STXBP5L: variants seen among roughly 807,000 people sequenced by gnomAD.
STXBP5L encodes syntaxin binding protein 5L.
A neutral mutation model predicts 144.5 loss-of-function variants in STXBP5L; 65 were observed. That is an observed-to-expected ratio of 0.45 (90% CI 0.37 to 0.55). The LOEUF (loss-of-function observed/expected upper bound fraction) is 0.55. STXBP5L is among the 20% of genes least tolerant of loss of function. The pLI, the probability that STXBP5L is intolerant of heterozygous loss-of-function variation, is 0.00. For missense variants in STXBP5L, 1,298 were observed against 1,405.5 expected (o/e 0.92, Z 1.22); for synonymous variants, 505 against 469.6 (o/e 1.08, Z -0.97).
chr3:121,203,744 G>A (rs1201607025), intron 9 of STXBP5L, among the ~76,000 whole-genome samples: 1 of 152,110 alleles, frequency 6.6e-6, no homozygotes, highest in Non-Finnish European at 1.5e-5. Context: ...GATTAAAAAT[G>A]CTTTAATATG....
At chr3:121,022,030 C>T (rs1385648641) in intron 3 of STXBP5L, among the ~76,000 whole-genome samples, 1 of 151,900 alleles carries the variant, frequency 6.6e-6, no homozygotes, top group Non-Finnish European at 1.5e-5. Flanking sequence ...GCAAGATTAA[C>T]CAAGAAAAGA....
intron 19 of STXBP5L, among the ~76,000 whole-genome samples, chr3:121,312,018 G>A (rs2043547501): frequency 6.6e-6 from 1 of 152,128 alleles, no homozygotes; most frequent in South Asian, 2.1e-4. Context: ...GAACAGAACA[G>A]AGCCCTCAGA....
At chr3:121,242,606 A>T (rs1312757930) in intron 14 of STXBP5L, among the ~76,000 whole-genome samples, 2 of 152,150 alleles carry the variant, frequency 1.3e-5, no homozygotes, top group East Asian at 3.9e-4. Flanking sequence ...AGAAAAAATT[A>T]TATGGTATAC....
chr3:121,316,801 A>G (rs1483788988), intron 19 of STXBP5L, among the ~76,000 whole-genome samples: 1 of 152,236 alleles, frequency 6.6e-6, no homozygotes, highest in Admixed American at 6.5e-5. Context: ...AAATGGTCCC[A>G]GATCTCTCAC....
intron 5 of STXBP5L, among the ~76,000 whole-genome samples, chr3:121,086,201 A>G (rs542960105): frequency 9.2e-5 from 14 of 152,136 alleles, no homozygotes; most frequent in African/African-American, 3.4e-4. Context: ...AAATGTATTT[A>G]GCACTACACA....
At chr3:121,085,709 G>A (rs1482979959) in intron 5 of STXBP5L, among the ~76,000 whole-genome samples, 4 of 152,092 alleles carry the variant, frequency 2.6e-5, no homozygotes, top group Admixed American at 2.6e-4. Flanking sequence ...CCATGCTTGT[G>A]GATAGGAAGG....
intron 3 of STXBP5L, among the ~76,000 whole-genome samples, chr3:121,014,422 T>C (rs1166069864): frequency 6.6e-6 from 1 of 152,016 alleles, no homozygotes; most frequent in Non-Finnish European, 1.5e-5. Context: ...GTATATATTG[T>C]TTTCTGTCTG....
chr3:121,384,530 A>G (rs951166392), intron 22 of STXBP5L, among the ~76,000 whole-genome samples: 3 of 152,122 alleles, frequency 2.0e-5, no homozygotes, highest in Non-Finnish European at 4.4e-5. Flanking sequence ...GACTAAAGTC[A>G]GTACAGTGTG....
At chr3:121,375,647 G>T (rs1038242202) in intron 20 of STXBP5L, among the ~76,000 whole-genome samples, 1 of 152,176 alleles carries the variant, frequency 6.6e-6, no homozygotes, top group Non-Finnish European at 1.5e-5. Context: ...TTTGATAAAT[G>T]TTAACTCCCA....
chr3:121,082,831 A>G (rs920835023), intron 5 of STXBP5L, among the ~76,000 whole-genome samples: 4 of 152,244 alleles, frequency 2.6e-5, no homozygotes, highest in Admixed American at 2.6e-4. Context: ...TGAGCTAGCC[A>G]TAAATTTCTG....
chr3:121,351,247 A>G (rs1003598954), intron 20 of STXBP5L, among the ~76,000 whole-genome samples: 2 of 152,146 alleles, frequency 1.3e-5, no homozygotes, highest in Non-Finnish European at 2.9e-5. Context: ...TTGCCTGGGT[A>G]TCAGCAACAG....
intron 2 of STXBP5L, among the ~76,000 whole-genome samples, chr3:120,946,562 TAGAAGGGAAAAATGCAGAC>T: frequency 6.6e-6 from 1 of 151,752 alleles, no homozygotes; most frequent in Non-Finnish European, 1.5e-5. Context: ...TCTATTAGTA[TAGAAGGGAAAAATGCAGAC>T]ATTGGGGAAC....
At position 121,002,085 on chromosome 3, in the gene STXBP5L, T is replaced by C. The variant is rs572051692; in HGVS notation, c.288-39615T>C. 5.9e-5 allele frequency among the ~76,000 whole-genome samples: 9 copies of C among 152,326 alleles called. No homozygotes were observed. The South Asian group carries it at 1.4e-3, about 25-fold the overall frequency. ...TTTTCATATATACCCAGAAGAGAGA[T>C]TACTGGATCATATAGTATTTTTAAT... On this transcript the variant is annotated intron_variant, in intron 3 of 26. Transcript: ENST00000471454.
intron 20 of STXBP5L, among the ~76,000 whole-genome samples, chr3:121,375,191 A>G (rs2046147374): frequency 6.6e-6 from 1 of 152,206 alleles, no homozygotes; most frequent in African/African-American, 2.4e-5. Context: ...AAGAAAACTT[A>G]ATGAAACAAT....
intron 3 of STXBP5L, among the ~76,000 whole-genome samples, chr3:121,011,858 T>C (rs1253327951): frequency 1.3e-5 from 2 of 151,850 alleles, no homozygotes; most frequent in African/African-American, 4.8e-5. Context: ...AACAATTCAG[T>C]GATTTTGGTA....
At chr3:121,338,668 AAAAG>A (rs1331545490) in intron 20 of STXBP5L, among the ~76,000 whole-genome samples, 5 of 151,768 alleles carry the variant, frequency 3.3e-5, no homozygotes, top group African/African-American at 7.2e-5. Flanking sequence ...GAGAAAGAAA[AAAAG>A]AAAGAGGAAG....
chr3:121,093,666 T>A (rs908749780), intron 5 of STXBP5L, among the ~76,000 whole-genome samples: 1 of 152,138 alleles, frequency 6.6e-6, no homozygotes, highest in South Asian at 2.1e-4. Context: ...TCTCTCTTTT[T>A]TTCTTTATTA....
intron 5 of STXBP5L, among the ~76,000 whole-genome samples, chr3:121,107,205 A>G (rs1330204620): frequency 6.6e-6 from 1 of 151,722 alleles, no homozygotes; most frequent in Non-Finnish European, 1.5e-5. Flanking sequence ...GCTGGGCAGA[A>G]GCTCTTTAGC....
intron 14 of STXBP5L, 83 bp from the exon 15 acceptor site, chr3:121,250,640 G>C: frequency 8.7e-7 from 1 of 1,143,272 alleles, no homozygotes; most frequent in Non-Finnish European, 1.3e-6. Context: ...TGTATCAACA[G>C]TAACTCAAGT....
Sources: gnomAD v4.1 joint callset for allele counts (sites outside exome capture counted in the v4.1 genomes callset) on GRCh38, gnomAD v4.1.1 for gene constraint, MANE v1.5 for transcripts, NCBI Gene and HGNC (gene_info 2026-07-23, HGNC 2026-07-21) for gene names.